Variants in CHSY3 observed in about 807,000 individuals in gnomAD.
CHSY3 encodes N-acetylgalactosaminyl-proteoglycan 3-beta-glucuronosyltransferase 3.
Under a neutral mutation model 67.2 loss-of-function variants are expected in CHSY3, and 35 were observed. The ratio of observed to expected loss-of-function variants is 0.52; its 90% CI spans 0.40 to 0.69. CHSY3 has a LOEUF of 0.69. Ranked by LOEUF, CHSY3 falls within the 30% of genes least tolerant of loss-of-function variation. The probability of loss-of-function intolerance (pLI) is 0.00; values close to 1 mark genes in which losing one functional copy is unlikely to be tolerated. For synonymous variants in CHSY3, 474 were observed against 434.7 expected (o/e 1.09, Z -1.12); for missense variants, 1,069 against 1,138.5 (o/e 0.94, Z 0.88).
At chr5:130,056,074 G>T (rs1580690624) in intron 2 of CHSY3, among the ~76,000 whole-genome samples, 2 of 152,208 alleles carry the variant, frequency 1.3e-5, no homozygotes, top group East Asian at 3.9e-4. Context: ...CTGTATCTAA[G>T]AATTGAAGCC....
chr5:130,002,426 A>G (rs771973584), intron 2 of CHSY3, among the ~76,000 whole-genome samples: 2 of 152,184 alleles, frequency 1.3e-5, no homozygotes, highest in African/African-American at 2.4e-5. Flanking sequence ...TGGAGGCCTT[A>G]TAATCCATGG....
At chr5:129,951,743 T>C (rs1173908959) in intron 2 of CHSY3, among the ~76,000 whole-genome samples, 2 of 152,196 alleles carry the variant, frequency 1.3e-5, no homozygotes, top group African/African-American at 2.4e-5. Flanking sequence ...CCATTGGCCA[T>C]CTATGTAGAT....
intron 2 of CHSY3, among the ~76,000 whole-genome samples, chr5:130,163,400 C>A (rs561275631): frequency 7.9e-5 from 12 of 152,032 alleles, no homozygotes; most frequent in Non-Finnish European, 7.4e-5. Context: ...AAAGAGGATG[C>A]CTTCACATTT....
rs915247214 is a variant in CHSY3, at chr5:129,930,514, G to C, written c.1086+22154G>C. Among the ~76,000 whole-genome samples, 24 of 144,738 alleles carry C rather than the reference G, an allele frequency of 1.7e-4. 1 individual carries two copies. Among genetic ancestry groups the C allele is most frequent in the Middle Eastern group, 3.5e-3 (1 of 284 alleles). 95.0% of individuals were successfully genotyped at this position (144,738 alleles called of 152,430 possible). On this transcript the variant is annotated intron_variant, in intron 2 of 2. Transcript: ENST00000305031. ...TAAAAGGAGGCATCACTGGCGGGGG[G>C]GGGGTATGAAGTTTTGCCTGGAGGA...
chr5:130,139,747 A>T (rs927051845), intron 2 of CHSY3, among the ~76,000 whole-genome samples: 1 of 152,214 alleles, frequency 6.6e-6, no homozygotes, highest in East Asian at 1.9e-4. Flanking sequence ...TGGAAACAAA[A>T]GCAAATATTT....
In CHSY3 at chr5:130,134,543, G is replaced by A. The variant is rs182083604; in HGVS notation, c.1087-49686G>A. ...GAACACATTTACTCTCCTGAGCAGGGACTTTATCTCTTGAGAGGAGAGACT... is the reference window on the plus strand; with the variant it reads ...GAACACATTTACTCTCCTGAGCAGGAACTTTATCTCTTGAGAGGAGAGACT... On this transcript the variant is annotated intron_variant, in intron 2 of 2. Coordinates refer to ENST00000305031, the MANE Select transcript of CHSY3 (RefSeq NM_175856.5). Among the ~76,000 whole-genome samples, 315 of 152,182 alleles carry A rather than the reference G, an allele frequency of 2.1e-3. 1 individual carries two copies. The highest frequency in any genetic ancestry group is 2.8e-3 in the Non-Finnish European group (189 of 67,994).
intron 2 of CHSY3, among the ~76,000 whole-genome samples, chr5:130,020,446 TATATATATATATA>T (rs1485606793): frequency 0.32 from 10,059 of 31,706 alleles, 967 homozygotes; most frequent in Admixed American, 0.4. Flanking sequence ...TATATATATA[TATATATATATATA>T]TATTTTTTTT....
chr5:129,954,470 T>C (rs1309125556), intron 2 of CHSY3, among the ~76,000 whole-genome samples: 1 of 152,024 alleles, frequency 6.6e-6, no homozygotes, highest in Non-Finnish European at 1.5e-5. Flanking sequence ...CGGTTTTTTT[T>C]TTTTGGTTCC....
chr5:130,042,322 C>A (rs1314562280), intron 2 of CHSY3, among the ~76,000 whole-genome samples: 1 of 152,104 alleles, frequency 6.6e-6, no homozygotes, highest in African/African-American at 2.4e-5. Flanking sequence ...TATAGCATAG[C>A]AGCTCACTAA....
Position 129,927,042 on chromosome 5 carries a change from A to G in CHSY3, c.1086+18682A>G, listed in dbSNP as rs1196557219. ...TTAATAATAAAACAAACTTACTTGA[A>G]ACAAACAATAAATGTAGATATTTTC... On this transcript the variant is annotated intron_variant, in intron 2 of 2. Transcript: ENST00000305031. Among the ~76,000 whole-genome samples, 3 of 152,098 alleles carry G rather than the reference A, an allele frequency of 2.0e-5. No homozygotes were observed. The East Asian group carries it at 5.8e-4, about 29-fold the overall frequency.
chr5:130,056,187 G>A (rs61008460), intron 2 of CHSY3, among the ~76,000 whole-genome samples: 1,530 of 151,860 alleles, frequency 0.01, 27 homozygotes, highest in African/African-American at 0.035. Context: ...GTATCTGATG[G>A]CATGGAGTTG....
intron 2 of CHSY3, chr5:130,140,977 GA>G: frequency 1.5e-6 from 1 of 674,498 alleles, no homozygotes; most frequent in Non-Finnish European, 1.9e-6. Context: ...ACTCCGTAGA[GA>G]AGGCCCTTGG....
intron 2 of CHSY3, among the ~76,000 whole-genome samples, chr5:130,182,084 C>T (rs189104492): frequency 2.0e-4 from 31 of 151,936 alleles, no homozygotes; most frequent in Admixed American, 1.4e-3. Flanking sequence ...TTAGTTGATA[C>T]GGGTTTTCTC....
intron 2 of CHSY3, among the ~76,000 whole-genome samples, chr5:130,109,403 C>G (rs1259495779): frequency 6.6e-6 from 1 of 151,602 alleles, no homozygotes; most frequent in Non-Finnish European, 1.5e-5. Flanking sequence ...TGTGACCCTA[C>G]CAAGGCAAAA....
chr5:130,105,411 T>G (rs1282889189), intron 2 of CHSY3, among the ~76,000 whole-genome samples: 2 of 151,852 alleles, frequency 1.3e-5, no homozygotes, highest in African/African-American at 2.4e-5. Flanking sequence ...TGGCATAGTT[T>G]ATAATTCTCT....
At chr5:130,143,756 ATGTG>A (rs1172129222) in intron 2 of CHSY3, among the ~76,000 whole-genome samples, 3 of 101,938 alleles carry the variant, frequency 2.9e-5, no homozygotes, top group African/African-American at 9.5e-5. Context: ...ATATATATAT[ATGTG>A]TGTGTGTGTA....
intron 2 of CHSY3, among the ~76,000 whole-genome samples, chr5:130,026,618 T>C (rs966857915): frequency 5.9e-5 from 9 of 152,174 alleles, no homozygotes; most frequent in African/African-American, 2.2e-4. Context: ...TACTTACTTC[T>C]CTGAAAATGG....
rs1251714668 is a variant in CHSY3 at position 129,904,749 on chromosome 5, G to A, written c.-81G>A. On this transcript the variant is annotated 5_prime_UTR_variant, in exon 1 of 3. Coordinates refer to ENST00000305031, the MANE Select transcript of CHSY3 (RefSeq NM_175856.5). ...GGCCGCGGCTGGGGGCGCAAAGGCG[G>A]AGGAGGGGCGGGTGTGAGCCGGGGA... is the stretch of plus-strand genomic sequence containing the variant. 26 of 1,245,184 alleles carry A rather than the reference G, an allele frequency of 2.1e-5. No homozygotes were observed. Among genetic ancestry groups the A allele is most frequent in the Non-Finnish European group, 2.6e-5 (26 of 996,560 alleles). 77.1% of individuals were successfully genotyped at this position (1,245,184 alleles called of 1,614,324 possible).
At chr5:130,096,662 G>A (rs969705655) in intron 2 of CHSY3, among the ~76,000 whole-genome samples, 1 of 151,866 alleles carries the variant, frequency 6.6e-6, no homozygotes, top group Non-Finnish European at 1.5e-5. Flanking sequence ...ACTACCATTG[G>A]TTCTTTTCTA....
Sources: gnomAD v4.1 joint callset for allele counts (sites outside exome capture counted in the v4.1 genomes callset) on GRCh38, gnomAD v4.1.1 for gene constraint, MANE v1.5 for transcripts, NCBI Gene and HGNC (gene_info 2026-07-23, HGNC 2026-07-21) for gene names.